Variants in DSCAM observed in about 807,000 individuals in gnomAD.
DSCAM encodes cell adhesion molecule DSCAM.
A neutral mutation model predicts 217.7 loss-of-function variants in DSCAM; 47 were observed. The observed-to-expected ratio is 0.22, with a 90% confidence interval of 0.17 to 0.28. DSCAM has a LOEUF of 0.28. Ranked by LOEUF, DSCAM falls within the 10% of genes least tolerant of loss-of-function variation. The probability of loss-of-function intolerance (pLI) is 1.00; values close to 1 mark genes in which losing one functional copy is unlikely to be tolerated. For missense variants in DSCAM, 2,080 were observed against 2,618.3 expected, an observed-to-expected ratio of 0.79 and a Z score of 4.49; for synonymous variants, 1,056 against 1,015.3, an observed-to-expected ratio of 1.04 and a Z score of -0.76.
intron 3 of DSCAM, among the ~76,000 whole-genome samples, chr21:40,662,990 G>A (rs1274054636): frequency 6.6e-6 from 1 of 152,170 alleles, no homozygotes; most frequent in Non-Finnish European, 1.5e-5. Flanking sequence ...GAGGGGCTCT[G>A]AGGTATGCAG....
intron 10 of DSCAM, among the ~76,000 whole-genome samples, chr21:40,293,578 A>G (rs2073920047): frequency 6.6e-6 from 1 of 152,220 alleles, no homozygotes. Context: ...TTGATGTACT[A>G]CAATAAACAT....
chr21:40,107,687 G>A (rs1217256267), intron 20 of DSCAM, among the ~76,000 whole-genome samples: 7 of 152,176 alleles, frequency 4.6e-5, no homozygotes, highest in Admixed American at 2.6e-4. Flanking sequence ...GGGTGCTCCC[G>A]TGTTGGATGT....
At chr21:40,648,728 T>C (rs1462911382) in intron 3 of DSCAM, among the ~76,000 whole-genome samples, 2 of 152,140 alleles carry the variant, frequency 1.3e-5, no homozygotes, top group Admixed American at 1.3e-4. Flanking sequence ...TTTGAGTCCA[T>C]AAAAAGCTCC....
chr21:40,532,079 G>A (rs182691012), intron 3 of DSCAM, among the ~76,000 whole-genome samples: 267 of 152,130 alleles, frequency 1.8e-3, no homozygotes, highest in African/African-American at 5.9e-3. Flanking sequence ...TTTTTGCTTT[G>A]ATACACTCTT....
At chr21:40,611,975 C>T (rs758691761) in intron 3 of DSCAM, among the ~76,000 whole-genome samples, 4 of 152,056 alleles carry the variant, frequency 2.6e-5, no homozygotes, top group Non-Finnish European at 4.4e-5. Context: ...GGGACAACCA[C>T]CATAGTTAGA....
At chr21:40,417,465 A>G (rs750642929) in intron 3 of DSCAM, among the ~76,000 whole-genome samples, 12 of 152,336 alleles carry the variant, frequency 7.9e-5, no homozygotes, top group South Asian at 4.1e-4. Flanking sequence ...TCTGAGTACA[A>G]TAGAAAATAC....
intron 3 of DSCAM, among the ~76,000 whole-genome samples, chr21:40,586,549 G>T (rs545302063): frequency 6.6e-6 from 1 of 152,292 alleles, no homozygotes; most frequent in South Asian, 2.1e-4. Flanking sequence ...ATCACTAGAG[G>T]ATTTGTTAAA....
chr21:40,466,961 T>C (rs2075850494), intron 3 of DSCAM, among the ~76,000 whole-genome samples: 1 of 152,254 alleles, frequency 6.6e-6, no homozygotes, highest in Non-Finnish European at 1.5e-5. Context: ...TTCTTGTTTA[T>C]TTCACTTTGT....
intron 3 of DSCAM, among the ~76,000 whole-genome samples, chr21:40,434,768 C>G (rs575671400): frequency 1.3e-5 from 2 of 152,112 alleles, no homozygotes; most frequent in African/African-American, 4.8e-5. Context: ...TGATCATTAT[C>G]AATACAACAT....
At chr21:40,766,669 CAA>C (rs34935219) in intron 1 of DSCAM, among the ~76,000 whole-genome samples, 83 of 66,634 alleles carry the variant, frequency 1.2e-3, no homozygotes, top group African/African-American at 5.0e-3. Flanking sequence ...ACAACAATTC[CAA>C]AAAAAAAAAA....
rs1222876578 is a variant in DSCAM, at chr21:40,846,908, G to T, written c.-247C>A. The T allele has an allele frequency of 6.6e-6, 1 of 151,710 alleles. No individual in the cohort carries two copies. The highest frequency in any genetic ancestry group is 1.5e-5 in the Non-Finnish European group (1 of 67,916). The allele number at this position is 151,710 out of a possible 1,614,324, so 9.4% of individuals were successfully genotyped here. On this transcript the variant is annotated 5_prime_UTR_variant, in exon 1 of 33. Transcript: ENST00000400454. ...CCCGGGCGCCGCGCCCCACGCTGCG[G>T]CCGGAGCCCAGGTGCGCCGTCAGCT...
chr21:40,772,516 T>A (rs1166239482), intron 1 of DSCAM, among the ~76,000 whole-genome samples: 1 of 152,214 alleles, frequency 6.6e-6, no homozygotes. Flanking sequence ...TATAGGCATG[T>A]CAGACCTGTG....
At chr21:40,170,664 T>C (rs2090647292) in intron 15 of DSCAM, among the ~76,000 whole-genome samples, 1 of 152,202 alleles carries the variant, frequency 6.6e-6, no homozygotes, top group Non-Finnish European at 1.5e-5. Context: ...ATGGAATGGA[T>C]TTCCCTCACA....
At chr21:40,366,775 T>C (rs936249258) in intron 4 of DSCAM, among the ~76,000 whole-genome samples, 2 of 152,172 alleles carry the variant, frequency 1.3e-5, no homozygotes, top group African/African-American at 4.8e-5. Context: ...TGATATTACC[T>C]TCAAGGACTC....
chr21:40,032,901 T>C (rs763629149), intron 32 of DSCAM, among the ~76,000 whole-genome samples: 1 of 152,216 alleles, frequency 6.6e-6, no homozygotes, highest in African/African-American at 2.4e-5. Context: ...AAAACTGTGA[T>C]TCACATTCAT....
chr21:40,251,225 T>C (rs1018255420), intron 11 of DSCAM, among the ~76,000 whole-genome samples: 1 of 152,186 alleles, frequency 6.6e-6, no homozygotes, highest in African/African-American at 2.4e-5. Context: ...AAAAGGCACA[T>C]AGCAGAAGAA....
At chr21:40,200,309 T>A (rs1360584859) in intron 11 of DSCAM, among the ~76,000 whole-genome samples, 1 of 151,046 alleles carries the variant, frequency 6.6e-6, no homozygotes, top group Non-Finnish European at 1.5e-5. Flanking sequence ...TCTCTCCTTT[T>A]CCTGGCCCCC....
At chr21:40,327,634 T>C (rs1393893147) in intron 8 of DSCAM, among the ~76,000 whole-genome samples, 1 of 152,004 alleles carries the variant, frequency 6.6e-6, no homozygotes, top group East Asian at 1.9e-4. Context: ...TTCAGAATCT[T>C]AAGGAAAAGC....
chr21:40,061,461 C>T (rs965759236), intron 28 of DSCAM, among the ~76,000 whole-genome samples: 6 of 151,026 alleles, frequency 4.0e-5, no homozygotes, highest in East Asian at 2.0e-4. Context: ...CGTGGCTCCT[C>T]GGGAGGCTGA....
Sources: gnomAD v4.1 joint callset for allele counts (sites outside exome capture counted in the v4.1 genomes callset) on GRCh38, gnomAD v4.1.1 for gene constraint, MANE v1.5 for transcripts, NCBI Gene and HGNC (gene_info 2026-07-23, HGNC 2026-07-21) for gene names.